The following MYLK3 variants were observed in gnomAD, a reference collection of about 807,000 sequenced individuals.
MYLK3 encodes myosin light chain kinase 3.
MYLK3 carries 55 observed loss-of-function variants against 76.3 expected under a neutral mutation model. That is an observed-to-expected ratio of 0.72 (90% CI 0.58 to 0.90). The LOEUF (loss-of-function observed/expected upper bound fraction) is 0.90. Among genes scored for constraint, MYLK3 ranks in the 40% least tolerant of loss-of-function variants. The probability of loss-of-function intolerance (pLI) is 0.00; values close to 1 mark genes in which losing one functional copy is unlikely to be tolerated. For missense variants in MYLK3, 973 were observed against 1,053.6 expected (o/e 0.92, Z 1.06); for synonymous variants, 416 against 425.4 (o/e 0.98, Z 0.27).
chr16:46,723,929 G>A (rs374795454), intron 8 of MYLK3, among the ~76,000 whole-genome samples: 34 of 152,288 alleles, frequency 2.2e-4, no homozygotes, highest in Middle Eastern at 6.8e-3. Context: ...GATTACAGGC[G>A]TGAGCCACCG....
At chr16:46,709,283 A>G (rs1966657914) in intron 12 of MYLK3, among the ~76,000 whole-genome samples, 1 of 152,052 alleles carries the variant, frequency 6.6e-6, no homozygotes, top group Non-Finnish European at 1.5e-5. Flanking sequence ...TTAGCAAGGC[A>G]TGGTGGTACA....
chr16:46,739,417 AGTTGGTGGC>A (rs756226328), intron 2 of MYLK3, among the ~76,000 whole-genome samples: 30 of 152,230 alleles, frequency 2.0e-4, no homozygotes, highest in Non-Finnish European at 3.2e-4. Context: ...TTGAGTAACA[AGTTGGTGGC>A]ATAGCCTGCA....
rs1966905872 is a variant in MYLK3 at position 46,740,153 on chromosome 16, A to G, written c.478-6T>C. On this transcript the variant is annotated splice_region_variant and splice_polypyrimidine_tract_variant and intron_variant, in intron 1 of 12. Transcript: ENST00000394809. ...TCTTCCACTCGCTCTTTATTCTAAAATAACAACCATAAAAAATGTCATCAT... is the reference window on the plus strand; with the variant it reads ...TCTTCCACTCGCTCTTTATTCTAAAGTAACAACCATAAAAAATGTCATCAT... 1 of 1,611,640 alleles carries G rather than the reference A, an allele frequency of 6.2e-7. No homozygotes were observed. The highest frequency in any genetic ancestry group is 1.3e-5 in the African/African-American group (1 of 74,886).
Position 46,729,576 on chromosome 16 carries a change from C to G in MYLK3, c.1662+18G>C. 2 of 1,610,548 alleles carry G rather than the reference C, an allele frequency of 1.2e-6. No homozygotes were observed. The highest frequency in any genetic ancestry group is 1.7e-6 in the Non-Finnish European group (2 of 1,177,226). On this transcript the variant is annotated intron_variant, in intron 6 of 12. Coordinates refer to ENST00000394809, the MANE Select transcript of MYLK3 (RefSeq NM_182493.3). Reference sequence around the variant, plus strand: ...CCTGAGGCTGGCCACAGGGACCTGGCCCAGCCAGATGCCTCACCCGGTCCT... The same window carrying G: ...CCTGAGGCTGGCCACAGGGACCTGGGCCAGCCAGATGCCTCACCCGGTCCT...
intron 3 of MYLK3, among the ~76,000 whole-genome samples, chr16:46,736,074 C>G (rs1171449128): frequency 6.6e-6 from 1 of 152,148 alleles, no homozygotes; most frequent in African/African-American, 2.4e-5. Flanking sequence ...ATGGTGTGAT[C>G]ATAACTCACT....
At chr16:46,719,399 A>C (rs771789403) in intron 9 of MYLK3, among the ~76,000 whole-genome samples, 16 of 152,048 alleles carry the variant, frequency 1.1e-4, no homozygotes, top group Non-Finnish European at 1.9e-4. Context: ...ATCCTGGAGG[A>C]ATCCTAGAAG....
intron 1 of MYLK3, among the ~76,000 whole-genome samples, chr16:46,742,467 C>CACACACAG (rs1966949539): frequency 6.6e-6 from 1 of 151,504 alleles, no homozygotes; most frequent in Non-Finnish European, 1.5e-5. Flanking sequence ...CACACACACA[C>CACACACAG]ACACACACAC....
intron 4 of MYLK3, among the ~76,000 whole-genome samples, chr16:46,731,320 T>C (rs946946731): frequency 6.6e-6 from 1 of 152,174 alleles, no homozygotes; most frequent in Non-Finnish European, 1.5e-5. Flanking sequence ...GTTTGCTTGT[T>C]TGTTTGTTTT....
At chr16:46,712,837 G>T in intron 9 of MYLK3, 61 bp from the exon 10 acceptor site, 1 of 1,446,826 alleles carries the variant, frequency 6.9e-7, no homozygotes, top group Non-Finnish European at 9.2e-7. Flanking sequence ...GTGGTGCTGG[G>T]GCTCATTTCT....
chr16:46,750,122 C>T (rs370948399), upstream of MYLK3, among the ~76,000 whole-genome samples: 2 of 152,210 alleles, frequency 1.3e-5, no homozygotes, highest in Non-Finnish European at 2.9e-5. Context: ...CTCCCCCACC[C>T]GACCAGGGCA....
At chr16:46,761,837 A>C (rs1423011553) in intron 1 of MYLK3, among the ~76,000 whole-genome samples, 1 of 152,048 alleles carries the variant, frequency 6.6e-6, no homozygotes, top group Non-Finnish European at 1.5e-5. Context: ...CAAAACAAAA[A>C]ACAAATTCCA....
At chr16:46,727,667 T>C (rs1279945456) in intron 7 of MYLK3, among the ~76,000 whole-genome samples, 1 of 152,178 alleles carries the variant, frequency 6.6e-6, no homozygotes, top group African/African-American at 2.4e-5. Flanking sequence ...GCTGGGATTA[T>C]AGGTGCTCAC....
chr16:46,726,310 C>T (rs1016247847), intron 8 of MYLK3: 4 of 152,274 alleles, frequency 2.6e-5, no homozygotes, highest in Admixed American at 2.6e-4. Context: ...TGTGGTGGCT[C>T]ATGCCTGTAA....
At chr16:46,714,073 GA>G (rs1309560681) in intron 9 of MYLK3, among the ~76,000 whole-genome samples, 1 of 152,146 alleles carries the variant, frequency 6.6e-6, no homozygotes, top group African/African-American at 2.4e-5. Context: ...TTAAGGCTAG[GA>G]AGAGAGTCAA....
intron 1 of MYLK3, among the ~76,000 whole-genome samples, chr16:46,745,357 C>G (rs1371821290): frequency 6.6e-6 from 1 of 152,174 alleles, no homozygotes; most frequent in Non-Finnish European, 1.5e-5. Context: ...CAGATATATT[C>G]ATAACGATAT....
intron 3 of MYLK3, among the ~76,000 whole-genome samples, chr16:46,735,668 G>A (rs1966865221): frequency 6.6e-6 from 1 of 152,204 alleles, no homozygotes; most frequent in Non-Finnish European, 1.5e-5. Flanking sequence ...CTGTGCCTTG[G>A]GACTGGGCAT....
chr16:46,735,177 T>C (rs1400660539), intron 3 of MYLK3, among the ~76,000 whole-genome samples: 2 of 151,742 alleles, frequency 1.3e-5, no homozygotes, highest in Non-Finnish European at 2.9e-5. Flanking sequence ...AGATGTTAAA[T>C]TTTACATTAT....
At position 46,711,987 on chromosome 16, in the gene MYLK3, TA is replaced by T. The variant is rs1014408830; in HGVS notation, c.2114+660del. ...CCAAAAAATTCAATGGCTCAAGCCA[TA>T]ATTTTTTTTTTTTTTTTTTTGAGAC... On this transcript the variant is annotated intron_variant, in intron 10 of 12. Coordinates refer to ENST00000394809, the MANE Select transcript of MYLK3 (RefSeq NM_182493.3). Among the ~76,000 whole-genome samples, 10 of 102,056 alleles carry T rather than the reference TA, an allele frequency of 9.8e-5. No individual in the cohort carries two copies. The Middle Eastern group carries it at 0.02, about 201-fold the overall frequency. 67.0% of individuals were successfully genotyped at this position (102,056 alleles called of 152,430 possible).
chr16:46,742,296 C>A (rs1164331621), intron 1 of MYLK3, among the ~76,000 whole-genome samples: 2 of 152,188 alleles, frequency 1.3e-5, no homozygotes, highest in East Asian at 3.9e-4. Context: ...GTAGCTCACG[C>A]CTGTAATCCC....
Sources: gnomAD v4.1 joint callset for allele counts (sites outside exome capture counted in the v4.1 genomes callset) on GRCh38, gnomAD v4.1.1 for gene constraint, MANE v1.5 for transcripts, NCBI Gene and HGNC (gene_info 2026-07-23, HGNC 2026-07-21) for gene names.